SH3YL1: variants seen among roughly 807,000 people sequenced by gnomAD.
The protein encoded by SH3YL1 is SH3 and SYLF domain containing 1, also known as SH3 domain-containing YSC84-like protein 1.
Under a neutral mutation model 45.8 loss-of-function variants are expected in SH3YL1, and 41 were observed. The ratio of observed to expected loss-of-function variants is 0.89; its 90% confidence interval spans 0.70 to 1.16. The LOEUF is 1.16. Ranked by LOEUF, SH3YL1 falls within the 50% of genes most tolerant of loss-of-function variation. The probability of loss-of-function intolerance (pLI) is 0.00; values close to 1 mark genes in which losing one functional copy is unlikely to be tolerated. For synonymous variants in SH3YL1, 152 were observed against 151.4 expected (o/e 1.00, Z -0.03); for missense variants, 389 against 409.6 (o/e 0.95, Z 0.43).
chr2:243,427 CAA>C (rs1668633056), intron 4 of SH3YL1: 1 of 1,386,000 alleles, frequency 7.2e-7, no homozygotes, highest in African/African-American at 1.5e-5. Context: ...TCTTAAATAA[CAA>C]ATGGCTCAAA....
At chr2:234,343 C>T (rs1668191005) in intron 4 of SH3YL1, 71 bp from the exon 5 acceptor site, 1 of 1,087,598 alleles carries the variant, frequency 9.2e-7, no homozygotes, top group Middle Eastern at 2.0e-4. Flanking sequence ...TCTTGACTAA[C>T]ACTCAACTAC....
chr2:263,366 A>C (rs1669676266), intron 1 of SH3YL1: 1 of 154,512 alleles, frequency 6.5e-6, no homozygotes, highest in African/African-American at 2.4e-5. Flanking sequence ...GACCAGTTCC[A>C]CACTTCCTTA....
At chr2:235,398 A>T (rs1262028149) in intron 4 of SH3YL1, among the ~76,000 whole-genome samples, 7 of 142,332 alleles carry the variant, frequency 4.9e-5, no homozygotes, top group Non-Finnish European at 1.1e-4. Flanking sequence ...CAGGGGAGGC[A>T]GCATGGGCCA....
chr2:224,807 G>A, intron 9 of SH3YL1, 57 bp downstream of exon 9: 1 of 1,282,274 alleles, frequency 7.8e-7, no homozygotes, highest in Non-Finnish European at 1.1e-6. Flanking sequence ...TAATTAGGAA[G>A]TTTGTGATCA....
chr2:243,983 T>G (rs780881157), intron 4 of SH3YL1, among the ~76,000 whole-genome samples: 6 of 152,144 alleles, frequency 3.9e-5, no homozygotes, highest in Non-Finnish European at 7.4e-5. Context: ...TTTTCCCTAT[T>G]GAGGGATGTG....
chr2:228,479 T>C (rs948309052), intron 8 of SH3YL1, among the ~76,000 whole-genome samples: 1 of 152,204 alleles, frequency 6.6e-6, no homozygotes, highest in African/African-American at 2.4e-5. Flanking sequence ...CTAAGAGGAC[T>C]AGAATTTTTA....
chr2:260,085 C>G (rs1669523574), intron 1 of SH3YL1: 1 of 151,964 alleles, frequency 6.6e-6, no homozygotes, highest in East Asian at 1.9e-4. Flanking sequence ...TAATACTCAC[C>G]AATACTACTG....
chr2:223,390 C>A (rs1286735226), intron 9 of SH3YL1, among the ~76,000 whole-genome samples: 2 of 152,182 alleles, frequency 1.3e-5, no homozygotes, highest in Non-Finnish European at 2.9e-5. Context: ...CTTCCCTCAG[C>A]TCTGTCTCTC....
At chr2:259,201 T>G (rs914787885) in intron 1 of SH3YL1, among the ~76,000 whole-genome samples, 3 of 152,206 alleles carry the variant, frequency 2.0e-5, no homozygotes, top group Non-Finnish European at 4.4e-5. Flanking sequence ...TTACCATGTG[T>G]GAGTAGCAGG....
At chr2:239,615 T>C (rs1004069797) in intron 4 of SH3YL1, 5 of 152,204 alleles carry the variant, frequency 3.3e-5, no homozygotes, top group Non-Finnish European at 5.9e-5. Flanking sequence ...TTAAGTACTT[T>C]GTTCACTGTT....
intron 4 of SH3YL1, among the ~76,000 whole-genome samples, chr2:234,871 CTTAAT>C (rs1668217549): frequency 6.6e-6 from 1 of 152,080 alleles, no homozygotes; most frequent in African/African-American, 2.4e-5. Context: ...ATTTCCATGA[CTTAAT>C]TTTTCTTTTT....
At chr2:228,163 G>C (rs534611018) in intron 8 of SH3YL1, among the ~76,000 whole-genome samples, 2 of 152,176 alleles carry the variant, frequency 1.3e-5, no homozygotes, top group South Asian at 2.1e-4. Flanking sequence ...CGAGTGTGTC[G>C]AGTGAGGCTG....
Position 249,847 on chromosome 2 carries a change from G to A in SH3YL1, c.113-3C>T, listed in dbSNP as rs1273924228. 1.3e-6 allele frequency: 2 copies of A among 1,545,470 alleles called. No homozygotes were observed. The highest frequency in any genetic ancestry group is 2.4e-5 in the East Asian group (1 of 40,886). On this transcript the variant is annotated splice_polypyrimidine_tract_variant and splice_region_variant and intron_variant, in intron 2 of 9. Transcript: ENST00000356150. The stretch of plus-strand genomic sequence containing the variant: ...TTTAGCCTTCGCAATTACGTGAGCT[G>A]TTAACGTGGAAAACAATGGGAAGGT...
intron 3 of SH3YL1, 32 bp from the exon 4 acceptor site, chr2:247,634 C>T (rs1236730365): frequency 1.3e-6 from 2 of 1,510,268 alleles, no homozygotes; most frequent in Admixed American, 2.0e-5. Flanking sequence ...GTTATCCTAA[C>T]ATTAAAACAC....
At chr2:259,319 C>T (rs1473193861) in intron 1 of SH3YL1, 2 of 152,186 alleles carry the variant, frequency 1.3e-5, no homozygotes, top group African/African-American at 4.8e-5. Context: ...GTTTCTCATG[C>T]ACCTTGTTAT....
At chr2:247,071 C>T (rs1435723189) in intron 4 of SH3YL1, among the ~76,000 whole-genome samples, 1 of 152,168 alleles carries the variant, frequency 6.6e-6, no homozygotes, top group African/African-American at 2.4e-5. Flanking sequence ...ATCCCAGGAG[C>T]AACATTATAA....
At chr2:223,062 A>C (rs1032877906) in intron 9 of SH3YL1, 1 of 152,192 alleles carries the variant, frequency 6.6e-6, no homozygotes. Flanking sequence ...GAATGGGCTA[A>C]AGGAATATTA....
At chr2:262,434 A>G (rs1338108316) in intron 1 of SH3YL1, 5 of 399,328 alleles carry the variant, frequency 1.3e-5, no homozygotes, top group Non-Finnish European at 2.1e-5. Flanking sequence ...GGGAGACAGG[A>G]AAGCCCTTTA....
intron 4 of SH3YL1, among the ~76,000 whole-genome samples, chr2:244,224 C>T (rs1171888676): frequency 3.3e-5 from 5 of 151,108 alleles, no homozygotes; most frequent in Non-Finnish European, 5.9e-5. Context: ...TGGCCTGGAG[C>T]GGTGGCTCAC....
Sources: allele counts gnomAD v4.1 joint callset (sites outside exome capture counted in the v4.1 genomes callset), GRCh38; gene constraint gnomAD v4.1.1; transcripts MANE v1.5; gene names NCBI Gene and HGNC (gene_info 2026-07-23, HGNC 2026-07-21).